UST: variants seen among roughly 807,000 people sequenced by gnomAD.
UST encodes the protein chondroitin sulfate 2-O-sulfotransferase.
A neutral mutation model predicts 45.6 loss-of-function variants in UST; 21 were observed. The ratio of observed to expected loss-of-function variants is 0.46; its 90% confidence interval spans 0.33 to 0.66. The LOEUF is 0.66. Among genes scored for constraint, UST ranks in the 30% least tolerant of loss-of-function variants. The pLI is 0.02. For synonymous variants in UST, 215 were observed against 200.6 expected (o/e 1.07, Z -0.61); for missense variants, 463 against 512.4 (o/e 0.90, Z 0.93).
chr6:149,012,179 G>A (rs1775824455), intron 5 of UST, among the ~76,000 whole-genome samples: 2 of 152,216 alleles, frequency 1.3e-5, no homozygotes, highest in South Asian at 2.1e-4. Flanking sequence ...CAACTAGAGT[G>A]TGTCATCAGT....
chr6:148,762,533 A>ACCTTTTTTTTTTT (rs1406385569), intron 1 of UST, among the ~76,000 whole-genome samples: 1 of 144,188 alleles, frequency 6.9e-6, no homozygotes. Flanking sequence ...GCAGGCTTCT[A>ACCTTTTTTTTTTT]TCTTTTTTTT....
At chr6:148,832,208 C>G (rs1490065361) in intron 1 of UST, among the ~76,000 whole-genome samples, 1 of 152,154 alleles carries the variant, frequency 6.6e-6, no homozygotes, top group East Asian at 1.9e-4. Flanking sequence ...CCAGGCTGGT[C>G]TTGAATTCCT....
At chr6:148,774,293 A>T (rs1776489247) in intron 1 of UST, among the ~76,000 whole-genome samples, 2 of 147,846 alleles carry the variant, frequency 1.4e-5, no homozygotes, top group Non-Finnish European at 3.0e-5. Context: ...TATATATAAA[A>T]ATATAATGAA....
chr6:148,871,117 CCT>C (rs749134391), intron 1 of UST, among the ~76,000 whole-genome samples: 16 of 97,592 alleles, frequency 1.6e-4, no homozygotes, highest in African/African-American at 2.3e-4. Context: ...GCATTCTCTC[CCT>C]CTCTCTCTCT....
chr6:149,052,568 C>A (rs1406965210), intron 7 of UST, among the ~76,000 whole-genome samples: 1 of 148,082 alleles, frequency 6.8e-6, no homozygotes. Flanking sequence ...GACTTGCAAC[C>A]CCGTGCTCGT....
At chr6:148,751,480 C>G (rs774756274) in intron 1 of UST, among the ~76,000 whole-genome samples, 3 of 152,142 alleles carry the variant, frequency 2.0e-5, no homozygotes, top group Non-Finnish European at 4.4e-5. Flanking sequence ...CCATAGGAGA[C>G]AGTGGTGAAC....
intron 1 of UST, among the ~76,000 whole-genome samples, chr6:148,816,596 A>G (rs1447843865): frequency 1.3e-5 from 2 of 152,200 alleles, no homozygotes; most frequent in South Asian, 2.1e-4. Context: ...CCAAAACCCA[A>G]CAAAAGAGTC....
intron 1 of UST, among the ~76,000 whole-genome samples, chr6:148,841,660 C>T (rs1352170988): frequency 6.6e-6 from 1 of 150,894 alleles, no homozygotes; most frequent in African/African-American, 2.4e-5. Flanking sequence ...TGCAAAAGAG[C>T]TGTGTCATAT....
At chr6:149,023,442 A>T (rs942300577) in intron 7 of UST, among the ~76,000 whole-genome samples, 2 of 152,206 alleles carry the variant, frequency 1.3e-5, no homozygotes, top group African/African-American at 4.8e-5. Flanking sequence ...CCCAACCAAC[A>T]TGTTAATGGC....
intron 6 of UST, 114 bp from the exon 7 acceptor site, chr6:149,021,210 C>T: frequency 1.6e-6 from 2 of 1,218,892 alleles, no homozygotes; most frequent in South Asian, 1.5e-5. Context: ...TTGAGGGAAA[C>T]AGGATTTGGA....
intron 7 of UST, among the ~76,000 whole-genome samples, chr6:149,042,955 TTTTCTTTCTTTCTTTCTTTCTTTCTTTC>T (rs1158496318): frequency 9.2e-6 from 1 of 109,076 alleles, no homozygotes; most frequent in African/African-American, 3.4e-5. Context: ...ATCACCATCC[TTTTCTTTCTTTCTTTCTTTCTTTCTTTC>T]TTTCTTTCTT....
chr6:148,989,131 A>G (rs925649585), intron 5 of UST, among the ~76,000 whole-genome samples: 1 of 151,848 alleles, frequency 6.6e-6, no homozygotes, highest in Admixed American at 6.6e-5. Flanking sequence ...TTATCATTTG[A>G]GGCCTCTAGA....
At chr6:148,784,928 G>A (rs1055699827) in intron 1 of UST, among the ~76,000 whole-genome samples, 4 of 152,196 alleles carry the variant, frequency 2.6e-5, no homozygotes, top group African/African-American at 9.6e-5. Flanking sequence ...GCATATATGT[G>A]GCCGGGCGCA....
At chr6:148,880,250 C>T (rs1385589684) in intron 1 of UST, among the ~76,000 whole-genome samples, 2 of 152,198 alleles carry the variant, frequency 1.3e-5, no homozygotes, top group Non-Finnish European at 2.9e-5. Flanking sequence ...CCACAGCACC[C>T]AGCCAGATCT....
chr6:149,035,584 T>C (rs1776229315), intron 7 of UST, among the ~76,000 whole-genome samples: 1 of 151,690 alleles, frequency 6.6e-6, no homozygotes, highest in Admixed American at 6.6e-5. Context: ...GTGAAACCTG[T>C]CTCTACAAAA....
chr6:149,017,799 T>TATATATACACAC (rs956279478), intron 5 of UST, among the ~76,000 whole-genome samples: 43 of 148,914 alleles, frequency 2.9e-4, no homozygotes, highest in African/African-American at 1.1e-3. Flanking sequence ...TATCCATATA[T>TATATATACACAC]ACACACACAC....
At chr6:148,921,769 C>T (rs79368021) in intron 2 of UST, among the ~76,000 whole-genome samples, 1,791 of 152,202 alleles carry the variant, frequency 0.012, 39 homozygotes, top group African/African-American at 0.041. Context: ...AGCATCCAGT[C>T]GCAGTCATGA....
intron 5 of UST, among the ~76,000 whole-genome samples, chr6:149,000,773 T>C (rs538167176): frequency 1.5e-4 from 23 of 152,294 alleles, no homozygotes; most frequent in African/African-American, 5.5e-4. Flanking sequence ...AGGATATCTT[T>C]AAAATAATTA....
intron 1 of UST, among the ~76,000 whole-genome samples, chr6:148,749,339 C>T (rs996017235): frequency 1.3e-5 from 2 of 152,134 alleles, no homozygotes; most frequent in African/African-American, 4.8e-5. Context: ...GGGAGGCAAG[C>T]GTTGAGGCTC....
Sources: allele counts gnomAD v4.1 joint callset (sites outside exome capture counted in the v4.1 genomes callset), GRCh38; gene constraint gnomAD v4.1.1; transcripts MANE v1.5; gene names NCBI Gene and HGNC (gene_info 2026-07-23, HGNC 2026-07-21).